Variants in CNIH3 observed in about 807,000 individuals in gnomAD.
The protein encoded by CNIH3 is protein cornichon homolog 3.
CNIH3 carries 14 observed loss-of-function variants against 24.1 expected under a neutral mutation model. That is an observed-to-expected ratio of 0.58 (90% CI 0.38 to 0.91). The LOEUF (loss-of-function observed/expected upper bound fraction) is 0.91. Among genes scored for constraint, CNIH3 ranks in the 40% least tolerant of loss-of-function variants. CNIH3 has a pLI of 0.00. For synonymous variants in CNIH3, 68 were observed against 73.8 expected (o/e 0.92, Z 0.40); for missense variants, 178 against 196.8 (o/e 0.90, Z 0.57).
intron 3 of CNIH3, among the ~76,000 whole-genome samples, chr1:224,707,458 A>C (rs374212452): frequency 7.4e-6 from 1 of 135,052 alleles, no homozygotes; most frequent in Non-Finnish European, 1.6e-5. Flanking sequence ...CCCACCCTCA[A>C]TTGGTGTGGA....
intron 1 of CNIH3, among the ~76,000 whole-genome samples, chr1:224,469,876 A>AT (rs1469839987): frequency 7.2e-5 from 11 of 152,214 alleles, no homozygotes; most frequent in Admixed American, 7.2e-4. Context: ...TTCCTTTAAT[A>AT]TTTTTTAAAG....
At chr1:224,478,101 AC>A (rs1676657619) in intron 1 of CNIH3, among the ~76,000 whole-genome samples, 1 of 151,734 alleles carries the variant, frequency 6.6e-6, no homozygotes, top group Non-Finnish European at 1.5e-5. Flanking sequence ...TTTTTCCTTG[AC>A]CTTTGGGAGT....
At chr1:224,481,333 G>A (rs1676804592) in intron 1 of CNIH3, among the ~76,000 whole-genome samples, 1 of 152,200 alleles carries the variant, frequency 6.6e-6, no homozygotes, top group African/African-American at 2.4e-5. Flanking sequence ...GCACTGAAGA[G>A]TTAGCTATTT....
intron 1 of CNIH3, among the ~76,000 whole-genome samples, chr1:224,449,230 C>T (rs1429075619): frequency 1.3e-5 from 2 of 152,080 alleles, no homozygotes; most frequent in African/African-American, 2.4e-5. Context: ...TCCCAAAGTG[C>T]TGGGATTACA....
At chr1:224,627,104 A>G (rs1683572842) in intron 1 of CNIH3, among the ~76,000 whole-genome samples, 1 of 152,218 alleles carries the variant, frequency 6.6e-6, no homozygotes, top group Non-Finnish European at 1.5e-5. Context: ...TTAGGAGGAC[A>G]TGGTGGACAC....
intron 3 of CNIH3, among the ~76,000 whole-genome samples, chr1:224,711,117 A>T (rs1012514904): frequency 2.0e-5 from 3 of 152,230 alleles, no homozygotes; most frequent in Non-Finnish European, 4.4e-5. Context: ...TTTAACGCAC[A>T]TATAAATTAA....
chr1:224,636,603 TA>T, intron 1 of CNIH3, among the ~76,000 whole-genome samples: 1 of 152,312 alleles, frequency 6.6e-6, no homozygotes, highest in Admixed American at 6.5e-5. Flanking sequence ...AGGAGCCAAA[TA>T]AAGTTTGATG....
chr1:224,652,497 G>T (rs1201678440), intron 1 of CNIH3, among the ~76,000 whole-genome samples: 1 of 152,172 alleles, frequency 6.6e-6, no homozygotes, highest in Non-Finnish European at 1.5e-5. Context: ...ACTCTAGCCA[G>T]TTGATTAGTG....
In CNIH3 at chr1:224,601,891, A is replaced by C. The variant is rs560497591; in HGVS notation, n.402+35627A>C. ...GAATACAGTGACTTAGTGCCAAATT[A>C]AAAATATGCAGAAATGTTTCTAAAA... On this transcript the variant is annotated intron_variant and non_coding_transcript_variant, in intron 3 of 7. Coordinates refer to the CNIH3 transcript ENST00000478120. Among the ~76,000 whole-genome samples the C allele has an allele frequency of 4.6e-5, 7 of 152,388 alleles. No homozygotes were observed. The East Asian group carries it at 1.2e-3, about 25-fold the overall frequency.
chr1:224,607,769 G>T (rs961411537), intron 3 of CNIH3, among the ~76,000 whole-genome samples: 9 of 152,142 alleles, frequency 5.9e-5, no homozygotes, highest in Non-Finnish European at 8.8e-5. Flanking sequence ...GGTGAGGGAG[G>T]TAAGTAGCTA....
chr1:224,452,628 A>G (rs1261103986), intron 1 of CNIH3, among the ~76,000 whole-genome samples: 4 of 151,410 alleles, frequency 2.6e-5, no homozygotes, highest in Admixed American at 6.6e-5. Flanking sequence ...AAAAATACAA[A>G]AACATTAGCC....
At chr1:224,453,272 C>A (rs1237100712) in intron 1 of CNIH3, among the ~76,000 whole-genome samples, 3 of 152,074 alleles carry the variant, frequency 2.0e-5, no homozygotes, top group Non-Finnish European at 4.4e-5. Flanking sequence ...CTGGGCTCAA[C>A]CCATCTTCCA....
chr1:224,621,248 A>G (rs528799698), intron 1 of CNIH3, among the ~76,000 whole-genome samples: 38 of 152,344 alleles, frequency 2.5e-4, no homozygotes, highest in African/African-American at 8.9e-4. Flanking sequence ...TGACATACAT[A>G]TGTGCCGAGA....
chr1:224,546,937 A>T (rs932518230), exon 3 of CNIH3: 2 of 983,600 alleles, frequency 2.0e-6, no homozygotes, highest in Non-Finnish European at 2.4e-6. Flanking sequence ...GACTGTGACT[A>T]TGGTAAGCCA....
intron 3 of CNIH3, among the ~76,000 whole-genome samples, chr1:224,693,348 C>T (rs557795889): frequency 2.6e-5 from 4 of 152,174 alleles, no homozygotes; most frequent in Non-Finnish European, 4.4e-5. Context: ...GCTGGTTGGC[C>T]CTATCCTTGT....
At chr1:224,457,201 G>T (rs1177388526) in intron 1 of CNIH3, among the ~76,000 whole-genome samples, 1 of 152,044 alleles carries the variant, frequency 6.6e-6, no homozygotes, top group Admixed American at 6.6e-5. Context: ...TAAACTAGGA[G>T]GTGCTCCTAC....
chr1:224,721,523 C>CA (rs2125224130), intron 3 of CNIH3, among the ~76,000 whole-genome samples: 1 of 152,354 alleles, frequency 6.6e-6, no homozygotes, highest in African/African-American at 2.4e-5. Context: ...CTTTTATTCT[C>CA]ATCTCCTCCC....
chr1:224,688,617 G>A (rs781680768), intron 3 of CNIH3, among the ~76,000 whole-genome samples: 10 of 152,084 alleles, frequency 6.6e-5, no homozygotes, highest in African/African-American at 7.2e-5. Flanking sequence ...AGTACTGTCC[G>A]TGACATACTA....
At chr1:224,552,141 A>G (rs759936240) in intron 3 of CNIH3, among the ~76,000 whole-genome samples, 12 of 151,514 alleles carry the variant, frequency 7.9e-5, no homozygotes, top group Non-Finnish European at 1.6e-4. Flanking sequence ...GATATTACAA[A>G]TAATATCACA....
Sources: gnomAD v4.1 joint callset for allele counts (sites outside exome capture counted in the v4.1 genomes callset) on GRCh38, gnomAD v4.1.1 for gene constraint, MANE v1.5 for transcripts, NCBI Gene and HGNC (gene_info 2026-07-23, HGNC 2026-07-21) for gene names.